Variants in SF3A2 observed in about 807,000 individuals in gnomAD.
The protein encoded by SF3A2 is splicing factor 3a subunit 2.
SF3A2 carries 5 observed loss-of-function variants against 31.1 expected under a neutral mutation model. The ratio of observed to expected loss-of-function variants is 0.16; its 90% CI spans 0.08 to 0.34. The LOEUF (loss-of-function observed/expected upper bound fraction) is 0.34, where lower values mean the gene tolerates loss of function less well. Ranked by LOEUF, SF3A2 falls within the 10% of genes least tolerant of loss-of-function variation. The pLI is 1.00. For synonymous variants in SF3A2, 365 were observed against 263.7 expected, an observed-to-expected ratio of 1.38 and a Z score of -3.72; for missense variants, 577 against 643.9, an observed-to-expected ratio of 0.90 and a Z score of 1.13.
chr19:2,244,704 G>C, intron 3 of SF3A2, 29 bp from the exon 4 acceptor site: 1 of 1,613,862 alleles, frequency 6.2e-7, no homozygotes, highest in Non-Finnish European at 8.5e-7. Context: ...GCCCGGCCTC[G>C]AGTCATGCGT....
At position 2,245,738 on chromosome 19, in the gene SF3A2, G is replaced by T. The variant is rs553161915; in HGVS notation, c.355+183G>T. 8.2e-6 allele frequency: 5 copies of T among 608,436 alleles called. No individual in the cohort carries two copies. The South Asian group carries it at 9.5e-5, about 12-fold the overall frequency. The allele number at this position is 608,436 out of a possible 1,614,324, so 37.7% of individuals were successfully genotyped here. A position where few individuals can be genotyped will look rare whatever the true frequency, so the allele number is the denominator to read the frequency against. ...TTGTGTCTGGGAGCTGTCAGGCTGG[G>T]CCCGATAAGCACCCATCTCACCCAG... On this transcript the variant is annotated intron_variant, in intron 5 of 8. Transcript: ENST00000221494. The surrounding 1 kb of genome is among the most constrained non-coding windows in gnomAD (Gnocchi z 4.2).
In SF3A2 at chr19:2,245,797, C is replaced by T. The variant is rs2024926523; in HGVS notation, c.355+242C>T. On this transcript the variant is annotated intron_variant, in intron 5 of 8. Transcript: ENST00000221494. The surrounding 1 kb of genome is among the most constrained non-coding windows in gnomAD (Gnocchi z 4.2). ...TTCCCAGCTGAGCCACAGTCTGTGCCCTCCTGTCCGGGTCTTGTGGAAGCT... is the reference window on the plus strand; with the variant it reads ...TTCCCAGCTGAGCCACAGTCTGTGCTCTCCTGTCCGGGTCTTGTGGAAGCT... 3.6e-6 allele frequency: 2 copies of T among 551,136 alleles called. No homozygotes were observed. The highest frequency in any genetic ancestry group is 6.5e-6 in the Non-Finnish European group (2 of 308,002). 34.1% of individuals were successfully genotyped at this position (551,136 alleles called of 1,614,324 possible). A position where few individuals can be genotyped will look rare whatever the true frequency, so the allele number is the denominator to read the frequency against.
chr19:2,248,340 G>A lies in SF3A2; in HGVS notation c.1189G>A (p.Ala397Thr), dbSNP rs1289757528. ...HPQAPGVHPP[A>T]PGMHPQAPGV... ...TCAGGCCCCAGGGGTGCACCCACCAGCCCCAGGGATGCACCCTCAGGCCCC... is the reference window on the plus strand; with the variant it reads ...TCAGGCCCCAGGGGTGCACCCACCAACCCCAGGGATGCACCCTCAGGCCCC... The change falls in exon 9 of 9, where the codon GCC becomes ACC. Residue 397 changes from alanine (A) to threonine (T), a missense_variant. Ala to Thr is a moderately conservative substitution (Grantham distance 58). Coordinates refer to ENST00000221494, the MANE Select transcript of SF3A2 (RefSeq NM_007165.5). The A allele has an allele frequency of 7.3e-7, 1 of 1,371,812 alleles. No individual in the cohort carries two copies. The highest frequency in any genetic ancestry group is 1.6e-5 in the African/African-American group (1 of 62,084). The allele number at this position is 1,371,812 out of a possible 1,614,324, so 85.0% of individuals were successfully genotyped here.
In SF3A2 at chr19:2,236,852, A is replaced by G. The variant is rs1196475856; in HGVS notation, c.-87A>G. On this transcript the variant is annotated 5_prime_UTR_variant, in exon 1 of 9. Coordinates refer to ENST00000221494, the MANE Select transcript of SF3A2 (RefSeq NM_007165.5). ...TCTTTGCCCGCCGTTCGCCAAACGA[A>G]GTCGTGGAGGTGGCGAAACGAGGAG... is the stretch of plus-strand genomic sequence containing the variant. The G allele has an allele frequency of 6.6e-6, 1 of 152,094 alleles. No individual in the cohort carries two copies. The highest frequency in any genetic ancestry group is 6.6e-5 in the Admixed American group (1 of 15,264). The allele number at this position is 152,094 out of a possible 1,614,324, so 9.4% of individuals were successfully genotyped here.
intron 1 of SF3A2, 131 bp downstream of exon 1, chr19:2,237,032 C>A (rs1013775603): frequency 6.6e-6 from 1 of 151,982 alleles, no homozygotes; most frequent in African/African-American, 2.4e-5. Flanking sequence ...CGCTCCCCTC[C>A]CTCCTCCCGT....
chr19:2,244,185 CTGGCGTGG>C (rs2024912882), intron 2 of SF3A2, among the ~76,000 whole-genome samples: 1 of 151,264 alleles, frequency 6.6e-6, no homozygotes, highest in African/African-American at 2.5e-5. Context: ...GTGCCTACTG[CTGGCGTGG>C]TGGCGTGGGC....
At chr19:2,247,735 C>G in intron 8 of SF3A2, 32 bp from the exon 9 acceptor site, 1 of 1,611,564 alleles carries the variant, frequency 6.2e-7, no homozygotes, top group African/African-American at 1.3e-5. Flanking sequence ...TAGCCCCACC[C>G]GTGCCTGCTG....
In SF3A2 at chr19:2,246,274, C is replaced by G. The variant is rs139618632; in HGVS notation, c.356-479C>G. The stretch of plus-strand genomic sequence containing the variant: ...GCTTGTGAGTGTGCGTGTCTGAGGC[C>G]GCATGGAGAGTGGCCGGGCGGCAGG... On this transcript the variant is annotated intron_variant, in intron 5 of 8. Coordinates refer to ENST00000221494, the MANE Select transcript of SF3A2 (RefSeq NM_007165.5). This position sits in a 1 kb window ranked among gnomAD's most constrained non-coding sequence, Gnocchi z 5.5. 2.0e-5 allele frequency among the ~76,000 whole-genome samples: 3 copies of G among 151,790 alleles called. No individual in the cohort carries two copies. Among genetic ancestry groups the G allele is most frequent in the Admixed American group, 2.0e-4 (3 of 15,260 alleles).
intron 1 of SF3A2, among the ~76,000 whole-genome samples, chr19:2,241,754 G>T (rs1293812825): frequency 1.3e-5 from 2 of 152,234 alleles, no homozygotes; most frequent in African/African-American, 4.8e-5. Flanking sequence ...TCCTTCTGGT[G>T]TCACAGTCTC....
At chr19:2,240,299 C>T (rs2024878285) in intron 1 of SF3A2, among the ~76,000 whole-genome samples, 1 of 152,244 alleles carries the variant, frequency 6.6e-6, no homozygotes, top group Admixed American at 6.5e-5. Context: ...TTCAGCCTGA[C>T]CCTGGACCCC....
At position 2,248,584 on chromosome 19, in the gene SF3A2, GCT is replaced by G. The variant is rs551543733; in HGVS notation, c.*41_*42del. The G allele has an allele frequency of 2.0e-4, 122 of 598,236 alleles. 1 individual carries two copies. The African/African-American group carries it at 2.2e-3, about 11-fold the overall frequency. 37.1% of individuals were successfully genotyped at this position (598,236 alleles called of 1,614,324 possible). ...TCCCCCAGCAAGCCCAGCGCCAGGTGCTCTTGCCTTTTCCCACTGAGAGAAGG... is the reference window on the plus strand; with the variant it reads ...TCCCCCAGCAAGCCCAGCGCCAGGTGCTTGCCTTTTCCCACTGAGAGAAGG... On this transcript the variant is annotated 3_prime_UTR_variant, in exon 9 of 9. Transcript: ENST00000221494.
rs367879276 is a variant in SF3A2, at chr19:2,247,756, C to G, written c.616-11C>G. On this transcript the variant is annotated splice_polypyrimidine_tract_variant and intron_variant, in intron 8 of 8. Transcript: ENST00000221494. ...CACCCGTGCCTGCTGAACCTTTCTC[C>G]GTCTCTCTAGTTCTTCCTCCAGTTC... is the stretch of plus-strand genomic sequence containing the variant. 6.2e-7 allele frequency: 1 copy of G among 1,612,078 alleles called. No homozygotes were observed. Among genetic ancestry groups the G allele is most frequent in the Non-Finnish European group, 8.5e-7 (1 of 1,179,388 alleles).
chr19:2,241,389 G>T (rs934074577), intron 1 of SF3A2, among the ~76,000 whole-genome samples: 35 of 152,220 alleles, frequency 2.3e-4, no homozygotes, highest in African/African-American at 8.0e-4. Flanking sequence ...TGCGGCTGCG[G>T]CCTGGTGGGA....
At chr19:2,237,891 A>G (rs544704035) in intron 1 of SF3A2, 3 of 152,342 alleles carry the variant, frequency 2.0e-5, no homozygotes, top group African/African-American at 7.2e-5. Flanking sequence ...GCTCTGGAAA[A>G]TAGGTTGTTG....
intron 4 of SF3A2, 55 bp downstream of exon 4, chr19:2,244,834 T>C (rs555547654): frequency 6.5e-7 from 1 of 1,539,208 alleles, no homozygotes; most frequent in African/African-American, 1.4e-5. Context: ...TTGGCTCAAG[T>C]CTCTGTGAGC....
Position 2,246,730 on chromosome 19 carries a change from C to CCTT in SF3A2, c.356-21_356-20insTCT. ...CTTCGGAGAGGACAAGCAGCCGGGA[C>CCTT]CTGAGAGCTTTCTGTGTTGCAGTGA... On this transcript the variant is annotated intron_variant, in intron 5 of 8. Coordinates refer to ENST00000221494, the MANE Select transcript of SF3A2 (RefSeq NM_007165.5). The surrounding 1 kb of genome is among the most constrained non-coding windows in gnomAD (Gnocchi z 5.5). The CCTT allele has an allele frequency of 1.9e-6, 3 of 1,613,790 alleles. No individual in the cohort carries two copies. The highest frequency in any genetic ancestry group is 2.5e-6 in the Non-Finnish European group (3 of 1,179,926).
rs1292082989 is a variant in SF3A2, at chr19:2,248,271, C to T, written c.1120C>T (p.Pro374Ser). 3 of 1,414,730 alleles carry T rather than the reference C, an allele frequency of 2.1e-6. No individual in the cohort carries two copies. Among genetic ancestry groups the T allele is most frequent in the African/African-American group, 1.5e-5 (1 of 67,694 alleles). The allele number at this position is 1,414,730 out of a possible 1,614,324, so 87.6% of individuals were successfully genotyped here. ...TCCTCCCCCATCAGCGGGGGTTCAC[C>T]CCCAGGCCCCGGGGGTGCACCCAGC... Reference protein sequence around the residue: ...VHPPPSAGVHPQAPGVHPAAP... With the variant: ...VHPPPSAGVHSQAPGVHPAAP... Residue 374 changes from proline (P) to serine (S), a missense_variant, in exon 9 of 9, where the codon CCC (proline) becomes TCC (serine). By Grantham distance (74) the Pro-to-Ser change is moderately conservative. This residue lies in a region of SF3A2 where 462 missense variants were observed against 339.1 expected (regional missense o/e 1.36). Coordinates refer to ENST00000221494, the MANE Select transcript of SF3A2 (RefSeq NM_007165.5).
intron 1 of SF3A2, among the ~76,000 whole-genome samples, chr19:2,238,627 T>A (rs1469494937): frequency 6.6e-6 from 1 of 152,242 alleles, no homozygotes; most frequent in East Asian, 1.9e-4. Context: ...TCTTGTACCA[T>A]TCTATCTTCC....
At chr19:2,244,031 C>T (rs1282030413) in intron 2 of SF3A2, among the ~76,000 whole-genome samples, 2 of 152,204 alleles carry the variant, frequency 1.3e-5, no homozygotes, top group East Asian at 1.9e-4. Flanking sequence ...GTGCCACAGC[C>T]GCAGATGGTG....
Sources: gnomAD v4.1 joint callset for allele counts (sites outside exome capture counted in the v4.1 genomes callset) on GRCh38, gnomAD v4.1.1 for gene constraint, gnomAD v4.1.1 regional missense constraint, Gnocchi (gnomAD v3.1) non-coding constraint, MANE v1.5 for transcripts, NCBI Gene and HGNC (gene_info 2026-07-23, HGNC 2026-07-21) for gene names.